AKAP6: variants seen among roughly 807,000 people sequenced by gnomAD.
The protein encoded by AKAP6 is A-kinase anchor protein 6.
A neutral mutation model predicts 188.5 loss-of-function variants in AKAP6; 58 were observed. The observed-to-expected ratio is 0.31, with a 90% CI of 0.25 to 0.38. The LOEUF (loss-of-function observed/expected upper bound fraction) is 0.38, where lower values mean the gene tolerates loss of function less well. Ranked by LOEUF, AKAP6 falls within the 10% of genes least tolerant of loss-of-function variation. AKAP6 has a pLI of 1.00. For synonymous variants in AKAP6, 989 were observed against 998.6 expected, an observed-to-expected ratio of 0.99 and a Z score of 0.18; for missense variants, 2,710 against 2,740.0, an observed-to-expected ratio of 0.99 and a Z score of 0.24.
At chr14:32,471,203 G>A (rs73263304) in intron 2 of AKAP6, among the ~76,000 whole-genome samples, 6 of 151,992 alleles carry the variant, frequency 3.9e-5, no homozygotes, top group South Asian at 4.1e-4. Flanking sequence ...CTTTAAAAAC[G>A]TTTCAATAAT....
rs939718849 is a variant in AKAP6, at chr14:32,604,846, C to T, written c.2730+4054C>T. Among the ~76,000 whole-genome samples the T allele has an allele frequency of 2.6e-5, 4 of 152,280 alleles. No individual in the cohort carries two copies. In the East Asian group the frequency reaches 7.7e-4, roughly 29 times the overall value. On this transcript the variant is annotated intron_variant, in intron 7 of 13. Coordinates refer to ENST00000280979, the MANE Select transcript of AKAP6 (RefSeq NM_004274.5). ...CTTGTTTTATTTACAGTTCTGGGTA[C>T]ATGTGCGGGATGTGCAAGTTTGTTA...
At chr14:32,767,375 T>C (rs2032752142) in intron 11 of AKAP6, among the ~76,000 whole-genome samples, 1 of 152,166 alleles carries the variant, frequency 6.6e-6, no homozygotes, top group Non-Finnish European at 1.5e-5. Flanking sequence ...TGATAGCTTT[T>C]AGCACTATCT....
chr14:32,380,497 A>AT (rs1888319048), intron 1 of AKAP6, among the ~76,000 whole-genome samples: 1 of 152,206 alleles, frequency 6.6e-6, no homozygotes, highest in African/African-American at 2.4e-5. Flanking sequence ...ATGAATGAAG[A>AT]TTTTGAAAGG....
rs1212896919 is a variant in AKAP6, at chr14:32,836,561, C to T, written c.*6756C>T. 6.6e-6 allele frequency: 1 copy of T among 152,098 alleles called. No homozygotes were observed. Among genetic ancestry groups the T allele is most frequent in the Non-Finnish European group, 1.5e-5 (1 of 68,026 alleles). 9.4% of individuals were successfully genotyped at this position (152,098 alleles called of 1,614,324 possible). A position where few individuals can be genotyped will look rare whatever the true frequency, so the allele number is the denominator to read the frequency against. On this transcript the variant is annotated 3_prime_UTR_variant, in exon 14 of 14. Coordinates refer to ENST00000280979, the MANE Select transcript of AKAP6 (RefSeq NM_004274.5). ...ACAATTTCCAGTGAATACTCTGCCC[C>T]ATTCTCTCCTACTCAAGCAGAGTAT... is the stretch of plus-strand genomic sequence containing the variant.
chr14:32,541,263 A>G (rs1882941233), intron 3 of AKAP6, among the ~76,000 whole-genome samples: 1 of 151,980 alleles, frequency 6.6e-6, no homozygotes, highest in Admixed American at 6.6e-5. Flanking sequence ...GGAACTGGCT[A>G]GAGATTTAAG....
At chr14:32,775,707 G>A (rs2033039236) in intron 12 of AKAP6, among the ~76,000 whole-genome samples, 1 of 152,132 alleles carries the variant, frequency 6.6e-6, no homozygotes, top group Non-Finnish European at 1.5e-5. Flanking sequence ...GGGGTTGCAG[G>A]TGTAAGCCAC....
At chr14:32,807,878 C>T (rs958962426) in intron 12 of AKAP6, among the ~76,000 whole-genome samples, 2 of 152,168 alleles carry the variant, frequency 1.3e-5, no homozygotes, top group African/African-American at 2.4e-5. Flanking sequence ...CTAGATTCAC[C>T]TATGTGGGCC....
intron 2 of AKAP6, among the ~76,000 whole-genome samples, chr14:32,458,396 GTTACCTAATT>G (rs1294020710): frequency 2.0e-5 from 3 of 152,018 alleles, no homozygotes. Context: ...TGGTAATGAT[GTTACCTAATT>G]TTTGCAGATG....
chr14:32,772,690 G>A (rs1197498636), intron 11 of AKAP6, among the ~76,000 whole-genome samples: 1 of 152,104 alleles, frequency 6.6e-6, no homozygotes, highest in Non-Finnish European at 1.5e-5. Context: ...AACATTTTAA[G>A]CACAAATACT....
intron 10 of AKAP6, chr14:32,732,897 G>A (rs1488910318): frequency 8.7e-6 from 5 of 576,908 alleles, no homozygotes; most frequent in Admixed American, 6.6e-5. Flanking sequence ...CTATAATACA[G>A]TATATCTGAT....
chr14:32,609,143 G>A (rs1264077677), intron 7 of AKAP6, among the ~76,000 whole-genome samples: 2 of 152,036 alleles, frequency 1.3e-5, no homozygotes, highest in Non-Finnish European at 2.9e-5. Context: ...CTTATTAAAT[G>A]GCAGCTTTCA....
chr14:32,489,603 AT>A (rs1417309145), intron 2 of AKAP6, among the ~76,000 whole-genome samples: 1 of 152,208 alleles, frequency 6.6e-6, no homozygotes, highest in East Asian at 1.9e-4. Flanking sequence ...AATTACCTAG[AT>A]TAAAAAACAA....
At chr14:32,720,378 A>T (rs891525059) in intron 9 of AKAP6, among the ~76,000 whole-genome samples, 2 of 152,230 alleles carry the variant, frequency 1.3e-5, no homozygotes, top group Non-Finnish European at 2.9e-5. Flanking sequence ...GTAAATATGC[A>T]TATCATTGCT....
At chr14:32,575,955 A>G (rs1341035442) in intron 4 of AKAP6, among the ~76,000 whole-genome samples, 1 of 151,986 alleles carries the variant, frequency 6.6e-6, no homozygotes, top group East Asian at 1.9e-4. Context: ...TTTTTTACTT[A>G]CCACTCTCCA....
At position 32,828,529 on chromosome 14, in the gene AKAP6, TCA is replaced by T. The variant is rs55957852; in HGVS notation, c.*43-1277_*43-1276del. ...CTATCTCTCTCTCTCTCTCTCTCTC[TCA>T]CACACACACACACACACACACACAC... On this transcript the variant is annotated intron_variant, in intron 13 of 13. Coordinates refer to ENST00000280979, the MANE Select transcript of AKAP6 (RefSeq NM_004274.5). Among the ~76,000 whole-genome samples, 379 of 75,994 alleles carry T rather than the reference TCA, an allele frequency of 5.0e-3. 3 individuals are homozygous for T. Among genetic ancestry groups the T allele is most frequent in the African/African-American group, 0.016 (338 of 20,804 alleles). The allele number at this position is 75,994 out of a possible 152,430, so 49.9% of individuals were successfully genotyped here.
intron 1 of AKAP6, among the ~76,000 whole-genome samples, chr14:32,372,361 A>G (rs1266909099): frequency 6.6e-6 from 1 of 152,078 alleles, no homozygotes; most frequent in African/African-American, 2.4e-5. Context: ...AAAGAAATAC[A>G]CCATTAGCAG....
At chr14:32,421,469 T>C (rs57050663) in intron 1 of AKAP6, among the ~76,000 whole-genome samples, 9,583 of 152,198 alleles carry the variant, frequency 0.063, 382 homozygotes, top group African/African-American at 0.09. Flanking sequence ...TTTCCCAGAG[T>C]CCTTTTTTTG....
chr14:32,388,899 G>A (rs1888617917), intron 1 of AKAP6, among the ~76,000 whole-genome samples: 1 of 152,072 alleles, frequency 6.6e-6, no homozygotes, highest in Non-Finnish European at 1.5e-5. Flanking sequence ...TAAATCAATT[G>A]TTTCTTTGTT....
intron 7 of AKAP6, among the ~76,000 whole-genome samples, chr14:32,616,189 T>C (rs928466935): frequency 6.6e-6 from 1 of 152,110 alleles, no homozygotes; most frequent in Non-Finnish European, 1.5e-5. Context: ...TGGAAAGCGG[T>C]GTAGGGATTT....
Sources: gnomAD v4.1 joint callset for allele counts (sites outside exome capture counted in the v4.1 genomes callset) on GRCh38, gnomAD v4.1.1 for gene constraint, MANE v1.5 for transcripts, NCBI Gene and HGNC (gene_info 2026-07-23, HGNC 2026-07-21) for gene names.